MYO1D: variants seen among roughly 807,000 people sequenced by gnomAD.
MYO1D encodes the protein unconventional myosin-Id.
MYO1D carries 83 observed loss-of-function variants against 122.0 expected under a neutral mutation model. The observed-to-expected ratio is 0.68, with a 90% CI of 0.57 to 0.82. MYO1D has a LOEUF of 0.82. Among genes scored for constraint, MYO1D ranks in the 40% least tolerant of loss-of-function variants. MYO1D has a pLI of 0.00. For synonymous variants in MYO1D, 464 were observed against 446.9 expected, an observed-to-expected ratio of 1.04 and a Z score of -0.48; for missense variants, 1,157 against 1,269.5, an observed-to-expected ratio of 0.91 and a Z score of 1.35.
At chr17:32,627,352 C>T (rs1220268149) in intron 20 of MYO1D, among the ~76,000 whole-genome samples, 4 of 152,134 alleles carry the variant, frequency 2.6e-5, no homozygotes, top group Non-Finnish European at 5.9e-5. Context: ...CATGGAAACC[C>T]CTTCCTTTGG....
chr17:32,635,071 C>A (rs1050499879), intron 20 of MYO1D, among the ~76,000 whole-genome samples: 3 of 152,182 alleles, frequency 2.0e-5, no homozygotes. Flanking sequence ...CGATCTGGAT[C>A]ACCCAGCATT....
chr17:32,538,045 A>G (rs1281815249), intron 21 of MYO1D, among the ~76,000 whole-genome samples: 1 of 152,136 alleles, frequency 6.6e-6, no homozygotes, highest in African/African-American at 2.4e-5. Context: ...TCAACCTGTA[A>G]TGTCTTTGAA....
intron 20 of MYO1D, among the ~76,000 whole-genome samples, chr17:32,622,946 T>C (rs2087872011): frequency 6.6e-6 from 1 of 152,230 alleles, no homozygotes; most frequent in Non-Finnish European, 1.5e-5. Context: ...CAGACCCCAC[T>C]GGGGTGTGAT....
chr17:32,733,249 C>T (rs6505309), intron 14 of MYO1D, among the ~76,000 whole-genome samples: 53,646 of 152,038 alleles, frequency 0.35, 10,879 homozygotes, highest in East Asian at 0.54. Context: ...AGGTTTCTGG[C>T]GAGAAAAGTC....
At chr17:32,811,978 A>G (rs1244120445) in intron 1 of MYO1D, among the ~76,000 whole-genome samples, 1 of 152,116 alleles carries the variant, frequency 6.6e-6, no homozygotes, top group Non-Finnish European at 1.5e-5. Flanking sequence ...GAATTATCCA[A>G]CCCAGGACCC....
intron 14 of MYO1D, among the ~76,000 whole-genome samples, chr17:32,735,246 T>C (rs2089687771): frequency 6.6e-6 from 1 of 152,110 alleles, no homozygotes; most frequent in African/African-American, 2.4e-5. Context: ...CTGGAATGCA[T>C]TGGCACCATC....
At chr17:32,801,789 A>G (rs1416556888) in intron 1 of MYO1D, among the ~76,000 whole-genome samples, 1 of 152,208 alleles carries the variant, frequency 6.6e-6, no homozygotes, top group Non-Finnish European at 1.5e-5. Flanking sequence ...TCTACCACCC[A>G]GTTCTTGATT....
At chr17:32,539,380 C>T (rs184429241) in intron 21 of MYO1D, among the ~76,000 whole-genome samples, 82 of 151,182 alleles carry the variant, frequency 5.4e-4, no homozygotes, top group African/African-American at 1.9e-3. Context: ...TTTTTAAAAA[C>T]CATACTGTAT....
intron 20 of MYO1D, among the ~76,000 whole-genome samples, chr17:32,608,227 A>C (rs1567907721): frequency 1.3e-5 from 2 of 152,266 alleles, no homozygotes; most frequent in Admixed American, 6.5e-5. Flanking sequence ...AAATATTTGC[A>C]AAAATGTATC....
At chr17:32,852,671 T>C (rs573861655) in intron 1 of MYO1D, among the ~76,000 whole-genome samples, 2 of 152,302 alleles carry the variant, frequency 1.3e-5, no homozygotes, top group East Asian at 1.9e-4. Flanking sequence ...ACAGTGACTT[T>C]CTTGGGGAAT....
rs1432582538 is a variant in MYO1D, at chr17:32,871,558, G to A, written c.95+5220C>T. Among the ~76,000 whole-genome samples the A allele has an allele frequency of 2.0e-5, 3 of 152,200 alleles. No homozygotes were observed. In the East Asian group the frequency reaches 5.8e-4, roughly 29 times the overall value. On this transcript the variant is annotated intron_variant, in intron 1 of 21. Coordinates refer to ENST00000318217, the MANE Select transcript of MYO1D (RefSeq NM_015194.3). ...AAAAATTAAATTTCTGAGAAGCCAA[G>A]ATATCAGACTGAATAGATGCTTTAT...
chr17:32,522,889 T>C (rs1194998482), intron 21 of MYO1D, among the ~76,000 whole-genome samples: 5 of 150,956 alleles, frequency 3.3e-5, no homozygotes, highest in African/African-American at 1.2e-4. Context: ...CGATCTCGGC[T>C]CACTGCAAGC....
At chr17:32,570,428 G>C (rs2087213712) in intron 21 of MYO1D, among the ~76,000 whole-genome samples, 1 of 151,884 alleles carries the variant, frequency 6.6e-6, no homozygotes, top group South Asian at 2.1e-4. Context: ...GCAGTGGCAT[G>C]ATCTTGGCTC....
intron 21 of MYO1D, chr17:32,510,133 G>A (rs1909639766): frequency 1.3e-5 from 2 of 152,282 alleles, no homozygotes; most frequent in African/African-American, 4.8e-5. Flanking sequence ...GCTGGAAGGT[G>A]AGGCTAGGAC....
chr17:32,710,427 T>C (rs1014051644), intron 16 of MYO1D, among the ~76,000 whole-genome samples: 2 of 152,118 alleles, frequency 1.3e-5, no homozygotes, highest in Non-Finnish European at 2.9e-5. Flanking sequence ...TATAAAACCA[T>C]GTATGAAGGT....
In MYO1D at chr17:32,762,843, C is replaced by T. The variant is rs372743298; in HGVS notation, c.1035+2035G>A. Reference sequence around the variant, plus strand: ...GAGCTGAGATCATACCATTGCACTCCAGCCTGGGTGACAGAGAGACACCGT... The same window carrying T: ...GAGCTGAGATCATACCATTGCACTCTAGCCTGGGTGACAGAGAGACACCGT... On this transcript the variant is annotated intron_variant, in intron 8 of 21. Transcript: ENST00000318217. 1.3e-4 allele frequency among the ~76,000 whole-genome samples: 19 copies of T among 147,698 alleles called. No homozygotes were observed. The South Asian group carries it at 2.2e-3, about 17-fold the overall frequency.
intron 20 of MYO1D, among the ~76,000 whole-genome samples, chr17:32,628,141 A>G (rs1201462939): frequency 6.6e-6 from 1 of 152,226 alleles, no homozygotes. Flanking sequence ...CTCACAAAAC[A>G]TTCAAATTCT....
intron 11 of MYO1D, among the ~76,000 whole-genome samples, chr17:32,749,825 T>C (rs984418675): frequency 2.6e-5 from 4 of 152,148 alleles, no homozygotes; most frequent in African/African-American, 7.2e-5. Context: ...AGGAGGACCA[T>C]ACTGAAGGAG....
intron 14 of MYO1D, among the ~76,000 whole-genome samples, chr17:32,737,804 A>C (rs1375644600): frequency 6.6e-6 from 1 of 152,238 alleles, no homozygotes; most frequent in Non-Finnish European, 1.5e-5. Context: ...AAACAGCCTA[A>C]GGACAATACT....
Sources: allele counts gnomAD v4.1 joint callset (sites outside exome capture counted in the v4.1 genomes callset), GRCh38; gene constraint gnomAD v4.1.1; transcripts MANE v1.5; gene names NCBI Gene and HGNC (gene_info 2026-07-23, HGNC 2026-07-21).